Variants in CRB1 observed in about 807,000 individuals in gnomAD.
CRB1 encodes crumbs cell polarity complex component 1.
A neutral mutation model predicts 120.0 loss-of-function variants in CRB1; 83 were observed. That is an observed-to-expected ratio of 0.69 (90% CI 0.58 to 0.83). CRB1 has a LOEUF of 0.83. CRB1 is among the 40% of genes least tolerant of loss of function. The probability of loss-of-function intolerance (pLI) is 0.00; values close to 1 mark genes in which losing one functional copy is unlikely to be tolerated. For missense variants in CRB1, 1,699 were observed against 1,687.6 expected, an observed-to-expected ratio of 1.01 and a Z score of -0.12; for synonymous variants, 625 against 612.5, an observed-to-expected ratio of 1.02 and a Z score of -0.30.
chr1:197,390,277 A>C (rs1662432693), intron 5 of CRB1, among the ~76,000 whole-genome samples: 1 of 152,118 alleles, frequency 6.6e-6, no homozygotes, highest in Non-Finnish European at 1.5e-5. Context: ...TGTGTTTTAA[A>C]TAACAATAGA....
At chr1:197,205,606 T>C in the CRB1 span, among the ~76,000 whole-genome samples, 3 of 152,214 alleles carry the variant, frequency 2.0e-5, no homozygotes. Context: ...ACCCATTGGA[T>C]CATGGTGGAT....
chr1:197,441,218 T>C (rs1570412), intron 10 of CRB1: 141,784 of 152,268 alleles, frequency 0.93, 66,906 homozygotes, highest in East Asian at 1. Context: ...AGATTTTATA[T>C]AAATTTTCAA....
At chr1:197,357,439 C>T (rs973405788) in intron 5 of CRB1, 1 of 242,542 alleles carries the variant, frequency 4.1e-6, no homozygotes, top group Non-Finnish European at 8.2e-6. Flanking sequence ...CTCAACGATT[C>T]TGTAGCTAAA....
At chr1:197,217,065 G>A in the CRB1 span, among the ~76,000 whole-genome samples, 111 of 152,066 alleles carry the variant, frequency 7.3e-4, 1 homozygote, top group African/African-American at 2.6e-3. Flanking sequence ...AATTTTTAAA[G>A]TGTACATCGA....
intron 5 of CRB1, among the ~76,000 whole-genome samples, chr1:197,405,309 C>T (rs1348821193): frequency 3.3e-5 from 5 of 152,100 alleles, no homozygotes; most frequent in Non-Finnish European, 2.9e-5. Context: ...AGCTCCTAAC[C>T]GCGAGTGATC....
Position 197,421,175 on chromosome 1 carries a change from A to G in CRB1, c.1347A>G (p.Gln449=). ...TTCTCCTGGGCTGTACCCATCAGCA[A>G]TGTCTAAATAATGGAACATGCATCC... ...SDILLGCTHQ[Q]CLNNGTCIPH... is the part of the protein sequence containing the mutation. The change falls in exon 6 of 12, where the codon CAA becomes CAG. Residue 449 remains glutamine (Q), a synonymous_variant. Transcript: ENST00000367400. The G allele has an allele frequency of 6.2e-7, 1 of 1,614,196 alleles. No individual in the cohort carries two copies. Among genetic ancestry groups the G allele is most frequent in the Non-Finnish European group, 8.5e-7 (1 of 1,180,036 alleles).
At chr1:197,264,779 G>A (rs1654595005), upstream of CRB1, among the ~76,000 whole-genome samples, 1 of 151,436 alleles carries the variant, frequency 6.6e-6, no homozygotes, top group African/African-American at 2.4e-5. Context: ...CTGCCACCAT[G>A]CCCGGCTAAC....
the CRB1 span, among the ~76,000 whole-genome samples, chr1:197,221,392 A>T: frequency 2.0e-5 from 3 of 152,062 alleles, no homozygotes; most frequent in Non-Finnish European, 4.4e-5. Flanking sequence ...TAGAGTCAAG[A>T]CCCTCTGTGT....
chr1:197,283,639 C>T lies in CRB1; in HGVS notation c.70+15157C>T, dbSNP rs1472339505. ...TCTATCTAGATGGATAGATATATATCGATATACCACAGTTTCTTTATACCA... is the reference window on the plus strand; with the variant it reads ...TCTATCTAGATGGATAGATATATATTGATATACCACAGTTTCTTTATACCA... On this transcript the variant is annotated intron_variant, in intron 1 of 11. Coordinates refer to ENST00000367400, the MANE Select transcript of CRB1 (RefSeq NM_201253.3). Among the ~76,000 whole-genome samples the T allele has an allele frequency of 3.3e-5, 5 of 151,668 alleles. No individual in the cohort carries two copies. The East Asian group carries it at 7.8e-4, about 24-fold the overall frequency.
chr1:197,432,752 A>T (rs1293181529), intron 8 of CRB1, among the ~76,000 whole-genome samples: 1 of 152,168 alleles, frequency 6.6e-6, no homozygotes, highest in Non-Finnish European at 1.5e-5. Context: ...AAAATTAAGC[A>T]TAGACAGTGA....
intron 9 of CRB1, among the ~76,000 whole-genome samples, chr1:197,436,403 G>A (rs1383112364): frequency 6.6e-6 from 1 of 151,924 alleles, no homozygotes; most frequent in Non-Finnish European, 1.5e-5. Context: ...GGTGGCAGAG[G>A]TGAAAGAACA....
intron 1 of CRB1, among the ~76,000 whole-genome samples, chr1:197,270,233 A>G (rs1306889800): frequency 1.3e-5 from 2 of 152,202 alleles, no homozygotes; most frequent in African/African-American, 4.8e-5. Context: ...AGCATTTTCT[A>G]TATCATATAT....
chr1:197,380,002 T>C (rs1661865735), intron 5 of CRB1, among the ~76,000 whole-genome samples: 1 of 152,242 alleles, frequency 6.6e-6, no homozygotes, highest in East Asian at 1.9e-4. Context: ...TATTCTTTAA[T>C]ACATGACCAT....
intron 5 of CRB1, among the ~76,000 whole-genome samples, chr1:197,361,887 A>T (rs2262895): frequency 0.028 from 4,251 of 150,762 alleles, 207 homozygotes; most frequent in African/African-American, 0.098. Flanking sequence ...TCTGTTTTTT[A>T]AATTTATTTT....
intron 2 of CRB1, among the ~76,000 whole-genome samples, chr1:197,342,756 G>A (rs1659542553): frequency 6.6e-6 from 1 of 152,138 alleles, no homozygotes. Context: ...AATTAAGGGT[G>A]GAATGCAGGA....
At chr1:197,304,938 T>G (rs1006384923) in intron 1 of CRB1, among the ~76,000 whole-genome samples, 1 of 152,208 alleles carries the variant, frequency 6.6e-6, no homozygotes, top group Non-Finnish European at 1.5e-5. Context: ...GACCTTGTGT[T>G]TTGTATTCGA....
rs556984093 is a variant in CRB1, at chr1:197,357,520, T to A, written c.1171+507T>A. ...TTGCTTACCTAAAACCCAGAGGAAA[T>A]TTGCATGTATGTTATCCAATGAACA... On this transcript the variant is annotated intron_variant, in intron 5 of 11. Transcript: ENST00000367400. The A allele has an allele frequency of 3.4e-5, 7 of 204,198 alleles. No homozygotes were observed. The South Asian group carries it at 6.0e-4, about 18-fold the overall frequency. 12.6% of individuals were successfully genotyped at this position (204,198 alleles called of 1,614,324 possible). A position where few individuals can be genotyped will look rare whatever the true frequency, so the allele number is the denominator to read the frequency against.
the CRB1 span, among the ~76,000 whole-genome samples, chr1:197,255,382 C>T: frequency 6.6e-6 from 1 of 152,100 alleles, no homozygotes; most frequent in Non-Finnish European, 1.5e-5. Flanking sequence ...GAATTCTCAT[C>T]TGTTCTATGC....
At chr1:197,364,098 G>A (rs1257596574) in intron 5 of CRB1, 12 of 1,146,302 alleles carry the variant, frequency 1.0e-5, no homozygotes, top group Non-Finnish European at 1.5e-5. Flanking sequence ...AGATCCGTGG[G>A]TGGGCTGCTG....
Sources: gnomAD v4.1 joint callset for allele counts (sites outside exome capture counted in the v4.1 genomes callset) on GRCh38, gnomAD v4.1.1 for gene constraint, MANE v1.5 for transcripts, NCBI Gene and HGNC (gene_info 2026-07-23, HGNC 2026-07-21) for gene names.